The following ABCA12 variants were observed in gnomAD, a reference collection of about 807,000 sequenced individuals.
ABCA12 encodes the protein glucosylceramide transporter ABCA12.
Under a neutral mutation model 293.5 loss-of-function variants are expected in ABCA12, and 156 were observed. The observed-to-expected ratio is 0.53, with a 90% confidence interval of 0.47 to 0.61. The LOEUF is 0.61. Ranked by LOEUF, ABCA12 falls within the 20% of genes least tolerant of loss-of-function variation. The probability of loss-of-function intolerance (pLI) is 0.00; values close to 1 mark genes in which losing one functional copy is unlikely to be tolerated. For missense variants in ABCA12, 2,797 were observed against 3,090.2 expected (o/e 0.91, Z 2.25); for synonymous variants, 1,063 against 1,108.0 (o/e 0.96, Z 0.81).
chr2:215,012,001 C>G lies in ABCA12; in HGVS notation c.2091G>C (p.Met697Ile). 6.2e-7 allele frequency: 1 copy of G among 1,613,836 alleles called. No individual in the cohort carries two copies. Among genetic ancestry groups the G allele is most frequent in the Non-Finnish European group, 8.5e-7 (1 of 1,179,906 alleles). Reference sequence around the variant, plus strand: ...TTAATGGAACACTTCTGGGCAGATGCATTTGCTTCAGGGATCTCATTTTGT... The same window carrying G: ...TTAATGGAACACTTCTGGGCAGATGGATTTGCTTCAGGGATCTCATTTTGT... ...LLDKMRSLKQ[M>I]HLPRSVPLTQ... The change falls in exon 16 of 53, where the codon ATG (methionine) becomes ATC (isoleucine). Residue 697 changes from methionine (M) to isoleucine (I), a missense_variant. Coordinates refer to ENST00000272895, the MANE Select transcript of ABCA12 (RefSeq NM_173076.3).
Position 215,065,297 on chromosome 2 carries a change from TAAAAAAAAAAAAAA to T in ABCA12, c.164-1092_164-1079del, listed in dbSNP as rs66466863. Among the ~76,000 whole-genome samples, 24 of 45,126 alleles carry T rather than the reference TAAAAAAAAAAAAAA, an allele frequency of 5.3e-4. 1 individual carries two copies. Among genetic ancestry groups the T allele is most frequent in the African/African-American group, 1.9e-3 (22 of 11,372 alleles). 29.6% of individuals were successfully genotyped at this position (45,126 alleles called of 152,430 possible). ...AAACTTTAATCTCCGCATGAATGTGTAAAAAAAAAAAAAAAAAAAAAAAAAAAAAGAGTGCCCGT... is the reference window on the plus strand; with the variant it reads ...AAACTTTAATCTCCGCATGAATGTGTAAAAAAAAAAAAAAAGAGTGCCCGT... On this transcript the variant is annotated intron_variant, in intron 2 of 52. Coordinates refer to ENST00000272895, the MANE Select transcript of ABCA12 (RefSeq NM_173076.3).
At chr2:215,007,084 A>C (rs890395921) in intron 19 of ABCA12, among the ~76,000 whole-genome samples, 70 of 152,198 alleles carry the variant, frequency 4.6e-4, no homozygotes, top group African/African-American at 1.6e-3. Context: ...CGCGTTGGTC[A>C]GGCTGGTCTT....
chr2:215,091,316 C>T (rs56410138), intron 2 of ABCA12, among the ~76,000 whole-genome samples: 16,685 of 152,152 alleles, frequency 0.11, 1,250 homozygotes, highest in East Asian at 0.42. Flanking sequence ...ACCTCCCCTC[C>T]TCACACCTGG....
intron 3 of ABCA12, among the ~76,000 whole-genome samples, chr2:215,059,100 T>C (rs1701477899): frequency 2.0e-5 from 3 of 152,036 alleles, no homozygotes; most frequent in African/African-American, 7.2e-5. Flanking sequence ...ATTCTGACAT[T>C]ATTTTTTGTC....
At chr2:214,981,090 GAA>G (rs771209301) in intron 30 of ABCA12, among the ~76,000 whole-genome samples, 9 of 121,962 alleles carry the variant, frequency 7.4e-5, no homozygotes, top group Non-Finnish European at 7.1e-5. Context: ...ATCTCAAAGG[GAA>G]AAAAAAAAAA....
intron 2 of ABCA12, among the ~76,000 whole-genome samples, chr2:215,107,035 A>G (rs974178179): frequency 6.6e-6 from 1 of 152,164 alleles, no homozygotes; most frequent in Admixed American, 6.5e-5. Context: ...TATGATTTCC[A>G]TTGTACTTTT....
rs770854223 is a variant in ABCA12, at chr2:214,951,046, C to G, written c.6685G>C (p.Glu2229Gln). ...FRKFNSSHVR[E>Q]TIDEDEDVRA... ...ACATCTTCATCCTCATCTATTGTCT[C>G]CCTTACATGTGAAGAATTAAATTTT... The change falls in exon 45 of 53, where the codon GAG (glutamate) becomes CAG (glutamine). Residue 2229 changes from glutamate (E) to glutamine (Q), a missense_variant. Glu to Gln is a conservative substitution (Grantham distance 29). Coordinates refer to ENST00000272895, the MANE Select transcript of ABCA12 (RefSeq NM_173076.3). The G allele has an allele frequency of 5.0e-6, 8 of 1,614,006 alleles. No individual in the cohort carries two copies. The Admixed American group carries it at 5.0e-5, about 10-fold the overall frequency.
chr2:215,103,381 G>T, intron 2 of ABCA12, among the ~76,000 whole-genome samples: 1 of 145,132 alleles, frequency 6.9e-6, no homozygotes, highest in East Asian at 2.0e-4. Flanking sequence ...CAATTATCCT[G>T]CCTCAGCCTA....
intron 11 of ABCA12, among the ~76,000 whole-genome samples, chr2:215,021,046 T>G (rs931284973): frequency 4.6e-5 from 7 of 152,228 alleles, no homozygotes; most frequent in Non-Finnish European, 1.0e-4. Flanking sequence ...AAACAGGGTT[T>G]CACCTTGTTG....
intron 40 of ABCA12, 101 bp downstream of exon 40, chr2:214,958,923 G>A: frequency 1.6e-6 from 2 of 1,221,824 alleles, no homozygotes; most frequent in Admixed American, 1.7e-5. Context: ...CTTCTAGATT[G>A]ACATTCATTC....
chr2:215,097,152 A>G (rs996047446), intron 2 of ABCA12, among the ~76,000 whole-genome samples: 2 of 152,166 alleles, frequency 1.3e-5, no homozygotes, highest in Non-Finnish European at 2.9e-5. Context: ...CCTGAAGCAA[A>G]ATAAGCCCTT....
intron 2 of ABCA12, among the ~76,000 whole-genome samples, chr2:215,083,220 T>G (rs1043016163): frequency 6.6e-6 from 1 of 152,198 alleles, no homozygotes; most frequent in Non-Finnish European, 1.5e-5. Flanking sequence ...ACCTGACATA[T>G]CTATAGAAAT....
intron 9 of ABCA12, chr2:215,029,473 T>C (rs1204474578): frequency 6.6e-6 from 1 of 152,196 alleles, no homozygotes; most frequent in Admixed American, 6.5e-5. Context: ...CTGTCATCAT[T>C]GTTACAACAT....
chr2:214,993,119 C>G (rs1220932753), intron 23 of ABCA12, among the ~76,000 whole-genome samples: 1 of 152,232 alleles, frequency 6.6e-6, no homozygotes, highest in Non-Finnish European at 1.5e-5. Context: ...AGCTACCTGG[C>G]TGCCAACAGC....
At chr2:214,970,805 G>C (rs1039173401) in intron 36 of ABCA12, among the ~76,000 whole-genome samples, 5 of 152,018 alleles carry the variant, frequency 3.3e-5, no homozygotes, top group Non-Finnish European at 7.4e-5. Context: ...CACTTTTCAA[G>C]GATTGATAGC....
intron 39 of ABCA12, among the ~76,000 whole-genome samples, chr2:214,961,194 G>T (rs1160789836): frequency 1.3e-5 from 2 of 152,042 alleles, no homozygotes; most frequent in African/African-American, 2.4e-5. Flanking sequence ...AAGAGATCGA[G>T]TTCCTTCCAG....
At chr2:215,024,154 C>G (rs1307033306) in intron 11 of ABCA12, among the ~76,000 whole-genome samples, 1 of 152,202 alleles carries the variant, frequency 6.6e-6, no homozygotes, top group Non-Finnish European at 1.5e-5. Flanking sequence ...ATTATTTTCT[C>G]TACAGAATTT....
chr2:215,080,222 G>A lies in ABCA12; in HGVS notation c.164-16003C>T, dbSNP rs1004116450. On this transcript the variant is annotated intron_variant, in intron 2 of 52. Transcript: ENST00000272895. ...ATGAATTCCCTGAACTAAAGGCCAG[G>A]TGCAGTGGCTCATGCCTGTAATCCC... Among the ~76,000 whole-genome samples, 5 of 152,160 alleles carry A rather than the reference G, an allele frequency of 3.3e-5. No individual in the cohort carries two copies. In the East Asian group the frequency reaches 9.6e-4, roughly 29 times the overall value.
At position 215,073,349 on chromosome 2, in the gene ABCA12, C is replaced by T. The variant is rs114792974; in HGVS notation, c.164-9130G>A. 6.2e-3 allele frequency among the ~76,000 whole-genome samples: 944 copies of T among 152,116 alleles called. 8 individuals carry two copies. Among genetic ancestry groups the T allele is most frequent in the African/African-American group, 0.022 (902 of 41,492 alleles). ...CATTAATTTTTTTTTAAATAGACCC[C>T]TAGAATCTCATTTCATTGTAGGACA... On this transcript the variant is annotated intron_variant, in intron 2 of 52. Transcript: ENST00000272895.
Sources: allele counts gnomAD v4.1 joint callset (sites outside exome capture counted in the v4.1 genomes callset), GRCh38; gene constraint gnomAD v4.1.1; transcripts MANE v1.5; gene names NCBI Gene and HGNC (gene_info 2026-07-23, HGNC 2026-07-21).